HID1: variants seen among roughly 807,000 people sequenced by gnomAD.
The protein encoded by HID1 is HID1 domain containing, also known as protein HID1.
Under a neutral mutation model 89.7 loss-of-function variants are expected in HID1, and 42 were observed. The observed-to-expected ratio is 0.47, with a 90% CI of 0.37 to 0.61. HID1 has a LOEUF of 0.61. Ranked by LOEUF, HID1 falls within the 20% of genes least tolerant of loss-of-function variation. The pLI, the probability that HID1 is intolerant of heterozygous loss-of-function variation, is 0.00. For synonymous variants in HID1, 442 were observed against 433.8 expected (o/e 1.02, Z -0.24); for missense variants, 854 against 1,039.3 (o/e 0.82, Z 2.45).
chr17:74,966,277 C>CTT (rs1385266059), intron 1 of HID1, among the ~76,000 whole-genome samples: 2 of 78,334 alleles, frequency 2.6e-5, no homozygotes, highest in African/African-American at 5.3e-5. Context: ...GAGCAAGACT[C>CTT]TGTCTCAAAA....
intron 3 of HID1, 22 bp from the exon 4 acceptor site, chr17:74,963,103 G>T: frequency 6.5e-7 from 1 of 1,548,080 alleles, no homozygotes; most frequent in Non-Finnish European, 8.8e-7. Flanking sequence ...GCACCCACAG[G>T]CTGCCTCAGT....
In HID1 at chr17:74,972,715, A is replaced by AGCTCCG; in HGVS notation, c.-65_-60dup. On this transcript the variant is annotated 5_prime_UTR_variant, in exon 1 of 19. Transcript: ENST00000425042. This position sits in a 1 kb window ranked among gnomAD's most constrained non-coding sequence, Gnocchi z 6.4. ...CAGACTCCAACCCGGCTCCGGCTTC[A>AGCTCCG]GCTCCGGCTCCAGCTCCGCGGCCCC... 1 of 1,454,264 alleles carries AGCTCCG rather than the reference A, an allele frequency of 6.9e-7. No homozygotes were observed. The highest frequency in any genetic ancestry group is 1.3e-5 in the South Asian group (1 of 77,066). The allele number at this position is 1,454,264 out of a possible 1,614,324, so 90.1% of individuals were successfully genotyped here.
Position 74,958,318 on chromosome 17 carries a change from C to A in HID1, c.1392+9G>T, listed in dbSNP as rs564287825. On this transcript the variant is annotated intron_variant, in intron 11 of 18. Transcript: ENST00000425042. This position sits in a 1 kb window ranked among gnomAD's most constrained non-coding sequence, Gnocchi z 5.2. ...CACCTCCTGGGCCCGGCCGCACGAG[C>A]CCCCTCACCACAATGAGCAGGTCGG... 6.2e-7 allele frequency: 1 copy of A among 1,612,708 alleles called. No homozygotes were observed. Among genetic ancestry groups the A allele is most frequent in the Non-Finnish European group, 8.5e-7 (1 of 1,179,490 alleles).
chr17:74,972,568 A>T lies in HID1; in HGVS notation c.66+23T>A. The T allele has an allele frequency of 6.5e-7, 1 of 1,539,068 alleles. No homozygotes were observed. Among genetic ancestry groups the T allele is most frequent in the Non-Finnish European group, 8.8e-7 (1 of 1,140,656 alleles). ...CCCCCAGCCCGGCAGGTGGATGGGG[A>T]CGCCGGGGCCCCCGTGGCGCACCTG... is the stretch of plus-strand genomic sequence containing the variant. On this transcript the variant is annotated intron_variant, in intron 1 of 18. Transcript: ENST00000425042. This position sits in a 1 kb window ranked among gnomAD's most constrained non-coding sequence, Gnocchi z 6.4.
chr17:74,960,374 G>T, intron 6 of HID1, 126 bp from the exon 7 acceptor site: 1 of 801,484 alleles, frequency 1.2e-6, no homozygotes, highest in South Asian at 1.7e-5. Flanking sequence ...TCAGGGAGTG[G>T]CTTGGAAAGA....
Position 74,958,544 on chromosome 17 carries a change from C to T in HID1, c.1241-66G>A, listed in dbSNP as rs1346272255. Reference sequence around the variant, plus strand: ...GGGAAGGAGGGGCCCAGGCAGTGACCATTTTGGAGGCCTCCCTCCTAGGAG... The same window carrying T: ...GGGAAGGAGGGGCCCAGGCAGTGACTATTTTGGAGGCCTCCCTCCTAGGAG... On this transcript the variant is annotated intron_variant, in intron 10 of 18. Transcript: ENST00000425042. This position sits in a 1 kb window ranked among gnomAD's most constrained non-coding sequence, Gnocchi z 5.2. 2.5e-6 allele frequency: 4 copies of T among 1,578,390 alleles called. No homozygotes were observed. The highest frequency in any genetic ancestry group is 3.4e-6 in the Non-Finnish European group (4 of 1,161,098).
Position 74,958,524 on chromosome 17 carries a change from G to A in HID1, c.1241-46C>T, listed in dbSNP as rs1206061528. ...GGGGTCACTCGGGTGGGAGGGGGAA[G>A]GAGGGGCCCAGGCAGTGACCATTTT... On this transcript the variant is annotated intron_variant, in intron 10 of 18. Coordinates refer to ENST00000425042, the MANE Select transcript of HID1 (RefSeq NM_030630.3). The surrounding 1 kb of genome is among the most constrained non-coding windows in gnomAD (Gnocchi z 5.2). The A allele has an allele frequency of 6.4e-7, 1 of 1,573,858 alleles. No individual in the cohort carries two copies. Among genetic ancestry groups the A allele is most frequent in the Non-Finnish European group, 8.6e-7 (1 of 1,160,006 alleles).
At position 74,962,521 on chromosome 17, in the gene HID1, G is replaced by T. The variant is rs1467769854; in HGVS notation, c.505-181C>A. 1.3e-5 allele frequency among the ~76,000 whole-genome samples: 2 copies of T among 152,122 alleles called. No individual in the cohort carries two copies. Among genetic ancestry groups the T allele is most frequent in the South Asian group, 2.1e-4 (1 of 4,826 alleles). ...CAAGAGCAGGAGTGAATATTCTTAG[G>T]CCTCTTGAAAGCTCATTTTTCTTCC... On this transcript the variant is annotated intron_variant, in intron 4 of 18. Coordinates refer to ENST00000425042, the MANE Select transcript of HID1 (RefSeq NM_030630.3). The surrounding 1 kb of genome is among the most constrained non-coding windows in gnomAD (Gnocchi z 4.3).
chr17:74,958,523 A>T lies in HID1; in HGVS notation c.1241-45T>A. 6.4e-7 allele frequency: 1 copy of T among 1,573,672 alleles called. No individual in the cohort carries two copies. On this transcript the variant is annotated intron_variant, in intron 10 of 18. Coordinates refer to ENST00000425042, the MANE Select transcript of HID1 (RefSeq NM_030630.3). The surrounding 1 kb of genome is among the most constrained non-coding windows in gnomAD (Gnocchi z 5.2). ...AGGGGTCACTCGGGTGGGAGGGGGA[A>T]GGAGGGGCCCAGGCAGTGACCATTT...
intron 12 of HID1, among the ~76,000 whole-genome samples, chr17:74,956,398 A>C (rs1400489461): frequency 1.3e-5 from 2 of 152,166 alleles, no homozygotes; most frequent in Non-Finnish European, 2.9e-5. Flanking sequence ...CTGCCATGTC[A>C]CTAGAGGTGT....
At chr17:74,966,678 G>A (rs1403923392) in intron 1 of HID1, among the ~76,000 whole-genome samples, 1 of 152,130 alleles carries the variant, frequency 6.6e-6, no homozygotes, top group Non-Finnish European at 1.5e-5. Flanking sequence ...GGCCGGGCGT[G>A]GTGGCTCATG....
rs377414295 is a variant in HID1 at position 74,963,791 on chromosome 17, G to A, written c.336C>T (p.Pro112=). 39 of 1,613,972 alleles carry A rather than the reference G, an allele frequency of 2.4e-5. No homozygotes were observed. Among genetic ancestry groups the A allele is most frequent in the East Asian group, 4.5e-5 (2 of 44,870 alleles). ...TRVLPYIFED[P]DWRGFFWSTV... ...TGGACCAGAAGAAGCCCCTCCAGTC[G>A]GGGTCCTCAAAGATGTAGGGCAGCA... Residue 112 remains proline, a synonymous_variant, in exon 3 of 19, where the codon CCC becomes CCT. Transcript: ENST00000425042.
Position 74,963,856 on chromosome 17 carries a change from TCTC to T in HID1, c.268_270del (p.Glu90del), listed in dbSNP as rs2039522053. The T allele has an allele frequency of 6.2e-7, 1 of 1,613,830 alleles. No homozygotes were observed. The highest frequency in any genetic ancestry group is 1.3e-5 in the African/African-American group (1 of 74,910). On this transcript the variant is annotated inframe_deletion, in exon 3 of 19. Transcript: ENST00000425042. ...CGGCTGCAGTTCAGGACGATCTGCT[TCTC>T]CTTCTCCGAGTGGCAGCCACTCTCA...
rs564746657 is a variant in HID1, at chr17:74,958,892, C to T, written c.1149+19G>A. On this transcript the variant is annotated intron_variant, in intron 9 of 18. Transcript: ENST00000425042. The surrounding 1 kb of genome is among the most constrained non-coding windows in gnomAD (Gnocchi z 5.2). ...AGCTGCTCTCCATCTCCCTGCAGGG[C>T]CCCTCGAGGCTGGCCCACCTTGTTG... 6.3e-7 allele frequency: 1 copy of T among 1,584,520 alleles called. No homozygotes were observed. The highest frequency in any genetic ancestry group is 1.8e-5 in the Admixed American group (1 of 54,788).
chr17:74,953,761 A>G, intron 14 of HID1, 110 bp from the exon 15 acceptor site: 2 of 821,718 alleles, frequency 2.4e-6, no homozygotes, highest in Non-Finnish European at 4.0e-6. Context: ...TCCCTCTGGA[A>G]CCTCCACCGG....
At position 74,958,650 on chromosome 17, in the gene HID1, T is replaced by TGCCC; in HGVS notation, c.1240+22_1240+23insGGGC. The TGCCC allele has an allele frequency of 8.6e-7, 1 of 1,163,198 alleles. No individual in the cohort carries two copies. 72.1% of individuals were successfully genotyped at this position (1,163,198 alleles called of 1,614,324 possible). A position where few individuals can be genotyped will look rare whatever the true frequency, so the allele number is the denominator to read the frequency against. On this transcript the variant is annotated intron_variant, in intron 10 of 18. Coordinates refer to ENST00000425042, the MANE Select transcript of HID1 (RefSeq NM_030630.3). The surrounding 1 kb of genome is among the most constrained non-coding windows in gnomAD (Gnocchi z 5.2). Reference sequence around the variant, plus strand: ...CTCGCCGCCAGGAAAGCCCCCAGCATCCCACCCCCACCCTGGTCTTACACT... The same window carrying TGCCC: ...CTCGCCGCCAGGAAAGCCCCCAGCATGCCCCCCACCCCCACCCTGGTCTTACACT...
In HID1 at chr17:74,962,818, C is replaced by G. The variant is rs1039044983; in HGVS notation, c.504+147G>C. On this transcript the variant is annotated intron_variant, in intron 4 of 18. Transcript: ENST00000425042. This position sits in a 1 kb window ranked among gnomAD's most constrained non-coding sequence, Gnocchi z 4.3. Reference sequence around the variant, plus strand: ...CTTCCCTCAGCTGTACCAGCTGCCACCCAGGCCTACATGTGCCAGGCAGCT... The same window carrying G: ...CTTCCCTCAGCTGTACCAGCTGCCAGCCAGGCCTACATGTGCCAGGCAGCT... 1 of 636,992 alleles carries G rather than the reference C, an allele frequency of 1.6e-6. No individual in the cohort carries two copies. The highest frequency in any genetic ancestry group is 2.8e-6 in the Non-Finnish European group (1 of 359,960). 39.5% of individuals were successfully genotyped at this position (636,992 alleles called of 1,614,324 possible). A position where few individuals can be genotyped will look rare whatever the true frequency, so the allele number is the denominator to read the frequency against.
At position 74,954,159 on chromosome 17, in the gene HID1, T is replaced by C. The variant is rs1377248368; in HGVS notation, c.1843A>G (p.Thr615Ala). 6.2e-7 allele frequency: 1 copy of C among 1,600,894 alleles called. No individual in the cohort carries two copies. The highest frequency in any genetic ancestry group is 1.3e-5 in the African/African-American group (1 of 74,836). Residue 615 changes from threonine to alanine, a missense_variant, in exon 14 of 19, where the codon ACC becomes GCC. Transcript: ENST00000425042. ...AGACCTGGAGTAGCCACCAGACTGG[T>C]CTTGAGGGTGCCTGGCTCTGCAGGG... ...AAPAEPGTLK[T>A]SLVATPGIDK...
chr17:74,972,498 C>T lies in HID1; in HGVS notation c.66+93G>A. 1.7e-6 allele frequency: 2 copies of T among 1,198,540 alleles called. No homozygotes were observed. Among genetic ancestry groups the T allele is most frequent in the South Asian group, 1.4e-5 (1 of 70,008 alleles). The allele number at this position is 1,198,540 out of a possible 1,614,324, so 74.2% of individuals were successfully genotyped here. ...TTACGCTCGGGGCCCGCCCGTCCCCCCATCTCCCGACGAGCCAAGTTCGCG... is the reference window on the plus strand; with the variant it reads ...TTACGCTCGGGGCCCGCCCGTCCCCTCATCTCCCGACGAGCCAAGTTCGCG... On this transcript the variant is annotated intron_variant, in intron 1 of 18. Coordinates refer to ENST00000425042, the MANE Select transcript of HID1 (RefSeq NM_030630.3). The surrounding 1 kb of genome is among the most constrained non-coding windows in gnomAD (Gnocchi z 6.4).
Sources: gnomAD v4.1 joint callset for allele counts (sites outside exome capture counted in the v4.1 genomes callset) on GRCh38, gnomAD v4.1.1 for gene constraint, Gnocchi (gnomAD v3.1) non-coding constraint, MANE v1.5 for transcripts, NCBI Gene and HGNC (gene_info 2026-07-23, HGNC 2026-07-21) for gene names.